Variants in LPP observed in about 807,000 individuals in gnomAD.
The protein encoded by LPP is lipoma-preferred partner.
In LPP, 38 loss-of-function variants were observed where a neutral mutation model predicts 60.4. That is an observed-to-expected ratio of 0.63 (90% CI 0.49 to 0.83). The LOEUF (loss-of-function observed/expected upper bound fraction) is 0.83. LPP is among the 40% of genes least tolerant of loss of function. The pLI is 0.00. For missense variants in LPP, 902 were observed against 783.6 expected (o/e 1.15, Z -1.80); for synonymous variants, 328 against 290.8 (o/e 1.13, Z -1.30).
chr3:188,722,380 AAT>A (rs897757487), intron 8 of LPP, among the ~76,000 whole-genome samples: 1 of 152,206 alleles, frequency 6.6e-6, no homozygotes, highest in African/African-American at 2.4e-5. Flanking sequence ...TCAACGGAGC[AAT>A]AGTCTAATGT....
chr3:188,672,175 A>G (rs1358390954), intron 7 of LPP, among the ~76,000 whole-genome samples: 2 of 152,208 alleles, frequency 1.3e-5, no homozygotes, highest in Admixed American at 6.5e-5. Flanking sequence ...AGCTATTTGC[A>G]TTCCTGGAAG....
chr3:188,348,250 G>A (rs1258929314), intron 3 of LPP, among the ~76,000 whole-genome samples: 3 of 151,954 alleles, frequency 2.0e-5, no homozygotes, highest in African/African-American at 7.3e-5. Flanking sequence ...GGGTTCAAGC[G>A]ATTCTCCTGC....
intron 2 of LPP, among the ~76,000 whole-genome samples, chr3:188,303,940 A>G (rs1324041568): frequency 1.3e-5 from 2 of 152,172 alleles, no homozygotes; most frequent in South Asian, 2.1e-4. Flanking sequence ...TCAACTAGTA[A>G]TTGCTGGACC....
At chr3:188,374,004 G>A (rs1168635723) in intron 3 of LPP, among the ~76,000 whole-genome samples, 3 of 152,188 alleles carry the variant, frequency 2.0e-5, no homozygotes, top group Non-Finnish European at 4.4e-5. Context: ...GTTTGTCAAA[G>A]ATCAGATAGT....
chr3:188,792,516 C>T (rs555634658), intron 9 of LPP, among the ~76,000 whole-genome samples: 3 of 152,314 alleles, frequency 2.0e-5, no homozygotes, highest in African/African-American at 7.2e-5. Context: ...CTTCCCTCTT[C>T]TCTCAAAGGG....
At chr3:188,231,293 G>A (rs1304877224) in intron 2 of LPP, among the ~76,000 whole-genome samples, 1 of 152,190 alleles carries the variant, frequency 6.6e-6, no homozygotes, top group East Asian at 1.9e-4. Context: ...GATTCCCCAG[G>A]TTTACATGGA....
intron 7 of LPP, among the ~76,000 whole-genome samples, chr3:188,688,257 G>A (rs1271447612): frequency 1.3e-5 from 2 of 152,166 alleles, no homozygotes; most frequent in African/African-American, 2.4e-5. Context: ...CTAATTAATA[G>A]CAAAAGAGGA....
intron 10 of LPP, 56 bp downstream of exon 10, chr3:188,866,434 A>C: frequency 7.6e-7 from 1 of 1,319,002 alleles, no homozygotes; most frequent in South Asian, 2.2e-5. Context: ...GTCTGTTCTT[A>C]CTGCTTGGCA....
intron 7 of LPP, among the ~76,000 whole-genome samples, chr3:188,684,927 C>G (rs1860356343): frequency 6.6e-6 from 1 of 152,196 alleles, no homozygotes; most frequent in Admixed American, 6.5e-5. Flanking sequence ...TATAACTACA[C>G]TACTGGCTAG....
At chr3:188,230,792 A>G (rs1719653297) in intron 2 of LPP, among the ~76,000 whole-genome samples, 3 of 152,080 alleles carry the variant, frequency 2.0e-5, no homozygotes, top group South Asian at 2.1e-4. Flanking sequence ...AAAAAAAGAA[A>G]AAAAGCATTG....
chr3:188,537,946 T>C (rs1174621971), intron 6 of LPP, among the ~76,000 whole-genome samples: 4 of 152,144 alleles, frequency 2.6e-5, no homozygotes, highest in Admixed American at 6.5e-5. Context: ...CCATTATGTT[T>C]ATGGACAATT....
intron 7 of LPP, among the ~76,000 whole-genome samples, chr3:188,680,410 C>A (rs1859221186): frequency 6.6e-6 from 1 of 152,204 alleles, no homozygotes; most frequent in South Asian, 2.1e-4. Flanking sequence ...TGCTCACAAT[C>A]TTTCATATGA....
intron 9 of LPP, among the ~76,000 whole-genome samples, chr3:188,808,993 C>T (rs1339890179): frequency 1.3e-5 from 2 of 152,176 alleles, no homozygotes; most frequent in Non-Finnish European, 2.9e-5. Flanking sequence ...TCATCCATGT[C>T]ACTGCAAAGG....
At chr3:188,735,420 C>A (rs1286855722) in intron 8 of LPP, among the ~76,000 whole-genome samples, 2 of 151,850 alleles carry the variant, frequency 1.3e-5, no homozygotes. Flanking sequence ...TTGCTCTCAT[C>A]CCCCAGGCTG....
chr3:188,496,846 A>G (rs1256295687), intron 5 of LPP, among the ~76,000 whole-genome samples: 1 of 152,240 alleles, frequency 6.6e-6, no homozygotes, highest in Non-Finnish European at 1.5e-5. Context: ...TGGAAAATAC[A>G]GGAAAACTGT....
chr3:188,461,121 C>T (rs541392701), intron 4 of LPP, among the ~76,000 whole-genome samples: 2 of 152,222 alleles, frequency 1.3e-5, no homozygotes, highest in Non-Finnish European at 1.5e-5. Flanking sequence ...AAAAGAGTTT[C>T]TGACAAAGTG....
chr3:188,350,899 C>T (rs1438646652), intron 3 of LPP, among the ~76,000 whole-genome samples: 1 of 152,172 alleles, frequency 6.6e-6, no homozygotes, highest in Non-Finnish European at 1.5e-5. Flanking sequence ...TTATAAAATA[C>T]ACCCCTTGCC....
intron 7 of LPP, among the ~76,000 whole-genome samples, chr3:188,638,875 C>T (rs1298541420): frequency 6.6e-6 from 1 of 151,804 alleles, no homozygotes; most frequent in Non-Finnish European, 1.5e-5. Flanking sequence ...AGGATACAAA[C>T]AAATGGAAGA....
At chr3:188,433,058 G>A (rs937088724) in intron 4 of LPP, among the ~76,000 whole-genome samples, 2 of 152,286 alleles carry the variant, frequency 1.3e-5, no homozygotes, top group East Asian at 1.9e-4. Context: ...AAGCTATTTA[G>A]TGGTTCTCTT....
Sources: gnomAD v4.1 joint callset for allele counts (sites outside exome capture counted in the v4.1 genomes callset) on GRCh38, gnomAD v4.1.1 for gene constraint, MANE v1.5 for transcripts, NCBI Gene and HGNC (gene_info 2026-07-23, HGNC 2026-07-21) for gene names.